The following PXK variants were observed in gnomAD, a reference collection of about 807,000 sequenced individuals.
The protein encoded by PXK is PX domain-containing protein kinase-like protein.
A neutral mutation model predicts 84.7 loss-of-function variants in PXK; 35 were observed. The observed-to-expected ratio is 0.41, with a 90% CI of 0.32 to 0.55. The LOEUF (loss-of-function observed/expected upper bound fraction) is 0.55. Among genes scored for constraint, PXK ranks in the 20% least tolerant of loss-of-function variants. The pLI is 0.21. For missense variants in PXK, 634 were observed against 699.7 expected, an observed-to-expected ratio of 0.91 and a Z score of 1.06; for synonymous variants, 253 against 260.8, an observed-to-expected ratio of 0.97 and a Z score of 0.29.
At chr3:58,344,134 A>G (rs1238182284) in intron 1 of PXK, among the ~76,000 whole-genome samples, 1 of 152,248 alleles carries the variant, frequency 6.6e-6, no homozygotes, top group Non-Finnish European at 1.5e-5. Flanking sequence ...GAGGATAGAA[A>G]GAGTATGTTA....
intron 16 of PXK, among the ~76,000 whole-genome samples, chr3:58,410,920 CAG>C (rs1452209567): frequency 2.0e-5 from 3 of 152,190 alleles, no homozygotes; most frequent in South Asian, 2.1e-4. Flanking sequence ...AAGGACAGAG[CAG>C]AGAGGGGGAA....
chr3:58,340,130 T>G (rs1176621987), intron 1 of PXK, among the ~76,000 whole-genome samples: 1 of 150,526 alleles, frequency 6.6e-6, no homozygotes, highest in Non-Finnish European at 1.5e-5. Flanking sequence ...TTTTTTTTTT[T>G]TTTTTTTTAA....
rs920672383 is a variant in PXK, at chr3:58,385,945, G to A, written c.388+3245G>A. ...CAGCAGAGCACTTTTCCTGGTCCTT[G>A]CTCTGATGGAGGGTGAGGGTGTCTT... is the stretch of plus-strand genomic sequence containing the variant. On this transcript the variant is annotated intron_variant, in intron 4 of 17. Coordinates refer to ENST00000356151, the MANE Select transcript of PXK (RefSeq NM_017771.5). This position sits in a 1 kb window ranked among gnomAD's most constrained non-coding sequence, Gnocchi z 5.1. Among the ~76,000 whole-genome samples the A allele has an allele frequency of 2.6e-5, 4 of 152,156 alleles. No homozygotes were observed. The highest frequency in any genetic ancestry group is 5.9e-5 in the Non-Finnish European group (4 of 68,038).
At chr3:58,422,665 T>C (rs1014022393) in intron 17 of PXK, 30 of 985,294 alleles carry the variant, frequency 3.0e-5, no homozygotes, top group Non-Finnish European at 3.5e-5. Flanking sequence ...GGCCTGGTAA[T>C]GACGCCAAAA....
intron 1 of PXK, among the ~76,000 whole-genome samples, chr3:58,358,422 G>A (rs751841022): frequency 5.7e-4 from 87 of 152,280 alleles, no homozygotes; most frequent in Middle Eastern, 6.8e-3. Context: ...GTAACTAAGC[G>A]CACCCTGTAG....
chr3:58,423,216 CAACA>C, intron 17 of PXK: 1 of 983,768 alleles, frequency 1.0e-6, no homozygotes. Flanking sequence ...TTTCCCACTT[CAACA>C]GTTACTTCAG....
At chr3:58,408,674 C>T (rs1225277189) in intron 13 of PXK, among the ~76,000 whole-genome samples, 1 of 152,142 alleles carries the variant, frequency 6.6e-6, no homozygotes, top group East Asian at 1.9e-4. Flanking sequence ...AGGCGCCCAC[C>T]ACCACGCCCG....
At chr3:58,422,121 G>A in intron 17 of PXK, 2 of 985,338 alleles carry the variant, frequency 2.0e-6, no homozygotes, top group Non-Finnish European at 2.4e-6. Flanking sequence ...TGTAGCTGAA[G>A]CCCCAACGGA....
At chr3:58,340,342 C>T in intron 1 of PXK, among the ~76,000 whole-genome samples, 1 of 150,568 alleles carries the variant, frequency 6.6e-6, no homozygotes, top group South Asian at 2.1e-4. Context: ...AGGCTGGTCC[C>T]AAACTCTTGG....
chr3:58,374,039 G>A (rs1319888001), intron 3 of PXK, among the ~76,000 whole-genome samples: 5 of 117,790 alleles, frequency 4.2e-5, no homozygotes, highest in Admixed American at 9.3e-5. Context: ...GCGAGACTCC[G>A]TCTCAAAAAA....
rs147828409 is a variant in PXK at position 58,349,420 on chromosome 3, A to C, written c.102+16330A>C. The stretch of plus-strand genomic sequence containing the variant: ...GCCCAGGCTGGAGTGCAGTGATGTG[A>C]TCTTGGCTCACTGCAACCTCTGCCT... On this transcript the variant is annotated intron_variant, in intron 1 of 17. Coordinates refer to ENST00000356151, the MANE Select transcript of PXK (RefSeq NM_017771.5). 1.1e-3 allele frequency among the ~76,000 whole-genome samples: 160 copies of C among 142,178 alleles called. 2 individuals are homozygous for C. The Middle Eastern group carries it at 0.012, about 11-fold the overall frequency. 93.3% of individuals were successfully genotyped at this position (142,178 alleles called of 152,430 possible).
At chr3:58,422,583 A>C in intron 17 of PXK, 1 of 985,438 alleles carries the variant, frequency 1.0e-6, no homozygotes, top group Non-Finnish European at 1.2e-6. Flanking sequence ...TGGACAGTGG[A>C]AAATCCATGT....
chr3:58,422,739 C>T, intron 17 of PXK: 1 of 985,380 alleles, frequency 1.0e-6, no homozygotes, highest in Non-Finnish European at 1.2e-6. Context: ...AGCCCCTACC[C>T]CTCAGCCCAG....
chr3:58,391,655 T>A (rs536697634), intron 6 of PXK, 118 bp from the exon 7 acceptor site: 1 of 900,118 alleles, frequency 1.1e-6, no homozygotes, highest in East Asian at 2.5e-5. Flanking sequence ...CCAGACTTAG[T>A]GTTGTTTTCG....
At chr3:58,422,926 C>A (rs1190336060) in intron 17 of PXK, 11 of 985,312 alleles carry the variant, frequency 1.1e-5, no homozygotes, top group Non-Finnish European at 1.3e-5. Context: ...GAGGCAGAAA[C>A]CCTGGAGCTC....
chr3:58,385,446 G>A lies in PXK; in HGVS notation c.388+2746G>A, dbSNP rs1022341420. On this transcript the variant is annotated intron_variant, in intron 4 of 17. Transcript: ENST00000356151. This position sits in a 1 kb window ranked among gnomAD's most constrained non-coding sequence, Gnocchi z 5.1. ...TCCTGAGATTCACAGCATGGCCCAC[G>A]GAACATACCCTGCACGCCTCTCACC... Among the ~76,000 whole-genome samples the A allele has an allele frequency of 6.6e-5, 10 of 152,152 alleles. No individual in the cohort carries two copies. Among genetic ancestry groups the A allele is most frequent in the African/African-American group, 1.4e-4 (6 of 41,428 alleles).
chr3:58,397,792 G>A lies in PXK; in HGVS notation c.1102+70G>A, dbSNP rs1383360412. 7.9e-7 allele frequency: 1 copy of A among 1,258,482 alleles called. No individual in the cohort carries two copies. The highest frequency in any genetic ancestry group is 1.1e-6 in the Non-Finnish European group (1 of 877,468). 78.0% of individuals were successfully genotyped at this position (1,258,482 alleles called of 1,614,324 possible). A position where few individuals can be genotyped will look rare whatever the true frequency, so the allele number is the denominator to read the frequency against. On this transcript the variant is annotated intron_variant, in intron 11 of 17. Transcript: ENST00000356151. This position sits in a 1 kb window ranked among gnomAD's most constrained non-coding sequence, Gnocchi z 4.7. ...CAGAGCCACTCATCCCCTTTCCAGA[G>A]TCCAGGAAAGACCCAGAGGAAGTTG... is the stretch of plus-strand genomic sequence containing the variant.
chr3:58,424,745 T>A lies in PXK; in HGVS notation c.1529-7T>A. Reference sequence around the variant, plus strand: ...TGAATACTGATTGTCCCCCTTTTCCTCCACAGGGATATCTGCATTACCTCC... The same window carrying A: ...TGAATACTGATTGTCCCCCTTTTCCACCACAGGGATATCTGCATTACCTCC... On this transcript the variant is annotated splice_region_variant and splice_polypyrimidine_tract_variant and intron_variant, in intron 17 of 17. Coordinates refer to ENST00000356151, the MANE Select transcript of PXK (RefSeq NM_017771.5). 1 of 1,612,712 alleles carries A rather than the reference T, an allele frequency of 6.2e-7. No individual in the cohort carries two copies. The highest frequency in any genetic ancestry group is 1.1e-5 in the South Asian group (1 of 90,892).
In PXK at chr3:58,409,045, C is replaced by G. The variant is rs1454529514; in HGVS notation, c.1308+44C>G. The G allele has an allele frequency of 2.1e-6, 3 of 1,428,106 alleles. No homozygotes were observed. Among genetic ancestry groups the G allele is most frequent in the Non-Finnish European group, 2.0e-6 (2 of 1,017,738 alleles). The allele number at this position is 1,428,106 out of a possible 1,614,324, so 88.5% of individuals were successfully genotyped here. A position where few individuals can be genotyped will look rare whatever the true frequency, so the allele number is the denominator to read the frequency against. On this transcript the variant is annotated intron_variant, in intron 14 of 17. Coordinates refer to ENST00000356151, the MANE Select transcript of PXK (RefSeq NM_017771.5). The surrounding 1 kb of genome is among the most constrained non-coding windows in gnomAD (Gnocchi z 4.2). ...CTCTTTGCCTTTTAGTGTCCCCATC[C>G]TCTGCCGTGGTTTTTATAGTGATTG...
Sources: gnomAD v4.1 joint callset for allele counts (sites outside exome capture counted in the v4.1 genomes callset) on GRCh38, gnomAD v4.1.1 for gene constraint, Gnocchi (gnomAD v3.1) non-coding constraint, MANE v1.5 for transcripts, NCBI Gene and HGNC (gene_info 2026-07-23, HGNC 2026-07-21) for gene names.